Variants in SNTG1 observed in about 807,000 individuals in gnomAD.
The protein encoded by SNTG1 is syntrophin gamma 1.
A neutral mutation model predicts 74.7 loss-of-function variants in SNTG1; 39 were observed. That is an observed-to-expected ratio of 0.52 (90% CI 0.40 to 0.68). The LOEUF (loss-of-function observed/expected upper bound fraction) is 0.68, where lower values mean the gene tolerates loss of function less well. Among genes scored for constraint, SNTG1 ranks in the 30% least tolerant of loss-of-function variants. SNTG1 has a pLI of 0.00. For missense variants in SNTG1, 685 were observed against 609.5 expected (o/e 1.12, Z -1.30); for synonymous variants, 254 against 217.1 (o/e 1.17, Z -1.49).
chr8:50,573,982 A>G (rs2094563184), intron 12 of SNTG1, among the ~76,000 whole-genome samples: 1 of 152,042 alleles, frequency 6.6e-6, no homozygotes, highest in Non-Finnish European at 1.5e-5. Context: ...AAATAGGATG[A>G]TCTTAATTCT....
intron 13 of SNTG1, among the ~76,000 whole-genome samples, chr8:50,627,844 G>A (rs992871374): frequency 1.3e-5 from 2 of 152,172 alleles, no homozygotes; most frequent in Non-Finnish European, 2.9e-5. Flanking sequence ...CCAGGAACAC[G>A]TTCAGCTATC....
chr8:50,501,545 C>T (rs1585481923), intron 8 of SNTG1, among the ~76,000 whole-genome samples: 1 of 147,730 alleles, frequency 6.8e-6, no homozygotes, highest in South Asian at 2.2e-4. Context: ...AAACGATTCT[C>T]CTGCCTTAGC....
At chr8:50,515,942 C>G (rs2094130069) in intron 9 of SNTG1, among the ~76,000 whole-genome samples, 1 of 152,182 alleles carries the variant, frequency 6.6e-6, no homozygotes. Context: ...AGTGCAAGCT[C>G]TGCTAAGGAA....
chr8:50,366,725 A>T (rs1234705259), intron 2 of SNTG1, among the ~76,000 whole-genome samples: 3 of 146,590 alleles, frequency 2.0e-5, no homozygotes, highest in Non-Finnish European at 4.5e-5. Flanking sequence ...TACTATTTGC[A>T]TATATATGTG....
chr8:50,488,987 C>T (rs930057891), intron 8 of SNTG1, among the ~76,000 whole-genome samples: 1 of 152,002 alleles, frequency 6.6e-6, no homozygotes, highest in African/African-American at 2.4e-5. Flanking sequence ...TCCCTGTGTT[C>T]TCATTGTTCA....
Position 50,536,812 on chromosome 8 carries a change from A to G in SNTG1, c.680+4A>G. On this transcript the variant is annotated splice_donor_region_variant and intron_variant, in intron 11 of 18. Coordinates refer to ENST00000642720, the MANE Select transcript of SNTG1 (RefSeq NM_018967.5). ...TGCCCGGCACAGATTTGAGTCGGTGAGTCCGTGTTTAGGAGTTATGACTGT... is the reference window on the plus strand; with the variant it reads ...TGCCCGGCACAGATTTGAGTCGGTGGGTCCGTGTTTAGGAGTTATGACTGT... 1 of 1,613,766 alleles carries G rather than the reference A, an allele frequency of 6.2e-7. No homozygotes were observed. The highest frequency in any genetic ancestry group is 8.5e-7 in the Non-Finnish European group (1 of 1,179,734).
intron 1 of SNTG1, among the ~76,000 whole-genome samples, chr8:50,045,821 C>T (rs754661815): frequency 1.3e-5 from 2 of 152,080 alleles, no homozygotes; most frequent in Admixed American, 6.5e-5. Flanking sequence ...GTATTCAGCC[C>T]ATCTGGGTTC....
intron 1 of SNTG1, among the ~76,000 whole-genome samples, chr8:50,139,190 T>C (rs556160712): frequency 6.6e-6 from 1 of 152,206 alleles, no homozygotes; most frequent in Non-Finnish European, 1.5e-5. Flanking sequence ...ATTCTGACTT[T>C]TGGCATATAG....
At chr8:50,463,027 G>A (rs2093580200) in intron 8 of SNTG1, among the ~76,000 whole-genome samples, 1 of 151,998 alleles carries the variant, frequency 6.6e-6, no homozygotes, top group South Asian at 2.1e-4. Context: ...ATGTTGGCCA[G>A]GCTGGTCTTG....
intron 2 of SNTG1, among the ~76,000 whole-genome samples, chr8:50,239,548 C>T (rs182344509): frequency 2.3e-4 from 35 of 152,278 alleles, no homozygotes; most frequent in East Asian, 9.7e-4. Context: ...AATCCAATTA[C>T]TCAGTTGTAA....
intron 13 of SNTG1, among the ~76,000 whole-genome samples, chr8:50,613,394 G>A (rs1273518349): frequency 6.6e-6 from 1 of 152,118 alleles, no homozygotes; most frequent in East Asian, 1.9e-4. Context: ...AATGCCCTTA[G>A]AGGGCAATGA....
intron 1 of SNTG1, among the ~76,000 whole-genome samples, chr8:50,156,515 GAT>G (rs1023321979): frequency 1.3e-4 from 20 of 152,016 alleles, no homozygotes; most frequent in African/African-American, 4.6e-4. Flanking sequence ...ATATATGGCT[GAT>G]ATATATAATG....
At chr8:50,449,807 A>G in intron 6 of SNTG1, 82 bp downstream of exon 6, 1 of 1,207,428 alleles carries the variant, frequency 8.3e-7, no homozygotes. Context: ...AAGAATCCTA[A>G]ATTACAATGT....
At chr8:50,184,773 C>T (rs2083322564) in intron 2 of SNTG1, among the ~76,000 whole-genome samples, 1 of 151,864 alleles carries the variant, frequency 6.6e-6, no homozygotes, top group South Asian at 2.1e-4. Context: ...GATATTAGTG[C>T]CCCAAATGTA....
At chr8:50,330,118 G>A (rs976539158) in intron 2 of SNTG1, among the ~76,000 whole-genome samples, 3 of 152,122 alleles carry the variant, frequency 2.0e-5, no homozygotes, top group Admixed American at 2.0e-4. Flanking sequence ...AAATGTGGTG[G>A]GACTCAGTTG....
At chr8:50,670,035 T>A (rs1471561066) in intron 15 of SNTG1, among the ~76,000 whole-genome samples, 1 of 151,928 alleles carries the variant, frequency 6.6e-6, no homozygotes, top group African/African-American at 2.4e-5. Flanking sequence ...ATTGATGGGA[T>A]GTATCTCAAA....
intron 2 of SNTG1, among the ~76,000 whole-genome samples, chr8:50,367,257 G>C (rs567412596): frequency 6.6e-6 from 1 of 151,414 alleles, no homozygotes; most frequent in Non-Finnish European, 1.5e-5. Flanking sequence ...TTGAAACTTT[G>C]ATTTTAGTCT....
intron 1 of SNTG1, among the ~76,000 whole-genome samples, chr8:50,098,103 C>G (rs1023382161): frequency 6.6e-6 from 1 of 152,044 alleles, no homozygotes; most frequent in African/African-American, 2.4e-5. Flanking sequence ...AAACATAGCT[C>G]AACTCCAGGA....
At chr8:50,046,611 A>G (rs1050157720) in intron 1 of SNTG1, among the ~76,000 whole-genome samples, 1 of 152,222 alleles carries the variant, frequency 6.6e-6, no homozygotes, top group African/African-American at 2.4e-5. Context: ...AAGAGTAATC[A>G]TTCATTAACC....
Sources: allele counts gnomAD v4.1 joint callset (sites outside exome capture counted in the v4.1 genomes callset), GRCh38; gene constraint gnomAD v4.1.1; transcripts MANE v1.5; gene names NCBI Gene and HGNC (gene_info 2026-07-23, HGNC 2026-07-21).